The following SLC29A4 variants were observed in gnomAD, a reference collection of about 807,000 sequenced individuals.
The protein encoded by SLC29A4 is equilibrative nucleoside transporter 4.
SLC29A4 carries 36 observed loss-of-function variants against 43.9 expected under a neutral mutation model. The observed-to-expected ratio is 0.82, with a 90% confidence interval of 0.63 to 1.08. SLC29A4 has a LOEUF of 1.08. SLC29A4 is among the 50% of genes least tolerant of loss of function. The probability of loss-of-function intolerance (pLI) is 0.00; values close to 1 mark genes in which losing one functional copy is unlikely to be tolerated. For synonymous variants in SLC29A4, 491 were observed against 338.0 expected (o/e 1.45, Z -4.97); for missense variants, 869 against 755.3 (o/e 1.15, Z -1.77).
rs1370936181 is a variant in SLC29A4 at position 5,306,283 on chromosome 7, C to T, written c.*3344C>T. The T allele has an allele frequency of 6.7e-6, 1 of 149,534 alleles. No homozygotes were observed. Among genetic ancestry groups the T allele is most frequent in the African/African-American group, 2.5e-5 (1 of 40,302 alleles). 9.3% of individuals were successfully genotyped at this position (149,534 alleles called of 1,614,324 possible). A position where few individuals can be genotyped will look rare whatever the true frequency, so the allele number is the denominator to read the frequency against. The stretch of plus-strand genomic sequence containing the variant: ...GATCTCAACTCACTGCAACCTCCAC[C>T]CGCCGGGTCCCTGTGATTTTCCCAC... On this transcript the variant is annotated 3_prime_UTR_variant, in exon 11 of 11. Transcript: ENST00000396872.
At position 5,286,542 on chromosome 7, in the gene SLC29A4, GAA is replaced by G. The variant is rs71702513; in HGVS notation, c.-8-1261_-8-1260del. Among the ~76,000 whole-genome samples, 409 of 116,330 alleles carry G rather than the reference GAA, an allele frequency of 3.5e-3. 9 individuals are homozygous for G. The highest frequency in any genetic ancestry group is 0.016 in the African/African-American group (384 of 23,468). The allele number at this position is 116,330 out of a possible 152,430, so 76.3% of individuals were successfully genotyped here. Reference sequence around the variant, plus strand: ...CATCTCAAAAAAAAAAAAGAAAAAAGAAAAAAATCATTTTAGGGGAAAAAGCT... The same window carrying G: ...CATCTCAAAAAAAAAAAAGAAAAAAGAAAAATCATTTTAGGGGAAAAAGCT... On this transcript the variant is annotated intron_variant, in intron 1 of 10. Transcript: ENST00000396872.
chr7:5,286,382 G>C (rs1784948209), intron 1 of SLC29A4, among the ~76,000 whole-genome samples: 1 of 151,862 alleles, frequency 6.6e-6, no homozygotes, highest in African/African-American at 2.4e-5. Flanking sequence ...AATTAGCCGG[G>C]TGTGGCGGCG....
chr7:5,296,076 C>T (rs1785636101), intron 6 of SLC29A4, among the ~76,000 whole-genome samples: 1 of 152,076 alleles, frequency 6.6e-6, no homozygotes, highest in Admixed American at 6.5e-5. Context: ...CGGCTTCCAG[C>T]GCCTCAAACA....
At chr7:5,300,340 G>A (rs543615548) in intron 9 of SLC29A4, 82 bp from the exon 10 acceptor site, 4 of 1,596,392 alleles carry the variant, frequency 2.5e-6, no homozygotes, top group African/African-American at 2.7e-5. Context: ...TAGGGATGGG[G>A]ATGTGGCTAG....
chr7:5,296,206 C>T (rs1256552420), intron 6 of SLC29A4, among the ~76,000 whole-genome samples: 4 of 152,014 alleles, frequency 2.6e-5, no homozygotes, highest in Admixed American at 2.6e-4. Flanking sequence ...CCTCTAACTG[C>T]CCCCCACCTC....
At chr7:5,286,379 C>G (rs187095314) in intron 1 of SLC29A4, among the ~76,000 whole-genome samples, 3 of 151,720 alleles carry the variant, frequency 2.0e-5, no homozygotes, top group Non-Finnish European at 4.4e-5. Flanking sequence ...AAAAATTAGC[C>G]GGGTGTGGCG....
At chr7:5,292,023 G>A (rs1341602108) in intron 5 of SLC29A4, among the ~76,000 whole-genome samples, 5 of 152,248 alleles carry the variant, frequency 3.3e-5, no homozygotes, top group African/African-American at 4.8e-5. Context: ...TGTGTGCGCA[G>A]CGTGTAGCCA....
chr7:5,303,090 C>T lies in SLC29A4; in HGVS notation c.*151C>T. ...ACTCCCTCAGGGTCCAGCCATGCCC[C>T]ACCCTGGACTGAAGTTCTGCAAAGT... On this transcript the variant is annotated 3_prime_UTR_variant, in exon 11 of 11. Transcript: ENST00000396872. 1.1e-6 allele frequency: 1 copy of T among 918,660 alleles called. No homozygotes were observed. The highest frequency in any genetic ancestry group is 1.7e-5 in the African/African-American group (1 of 59,356). 56.9% of individuals were successfully genotyped at this position (918,660 alleles called of 1,614,324 possible).
chr7:5,297,752 C>A (rs577650205), intron 7 of SLC29A4, among the ~76,000 whole-genome samples: 6 of 152,174 alleles, frequency 3.9e-5, no homozygotes. Flanking sequence ...ACAGAAGTCG[C>A]CAGCCAGGAA....
At chr7:5,287,677 G>C in intron 1 of SLC29A4, 132 bp from the exon 2 acceptor site, 1 of 871,736 alleles carries the variant, frequency 1.1e-6, no homozygotes, top group African/African-American at 1.7e-5. Flanking sequence ...GTGAGGCATA[G>C]CTTGCTTTGG....
intron 1 of SLC29A4, among the ~76,000 whole-genome samples, chr7:5,284,988 C>T (rs765289854): frequency 7.7e-4 from 117 of 152,304 alleles, no homozygotes; most frequent in African/African-American, 2.7e-3. Flanking sequence ...TTCAGATGTC[C>T]TCCTGGGCTG....
chr7:5,295,834 G>T (rs1224943504), intron 6 of SLC29A4, among the ~76,000 whole-genome samples: 1 of 149,962 alleles, frequency 6.7e-6, no homozygotes, highest in South Asian at 2.1e-4. Flanking sequence ...CCGAGCGAGA[G>T]AGGGTGCAGA....
At chr7:5,296,600 T>G (rs983877045) in intron 6 of SLC29A4, among the ~76,000 whole-genome samples, 15 of 2,958 alleles carry the variant, frequency 5.1e-3, no homozygotes, top group South Asian at 0.015. Flanking sequence ...GGGGGTGGGG[T>G]GGGATGCAGC....
rs367596044 is a variant in SLC29A4, at chr7:5,287,787, C to T, written c.-8-22C>T. On this transcript the variant is annotated intron_variant, in intron 1 of 10. Coordinates refer to ENST00000396872, the MANE Select transcript of SLC29A4 (RefSeq NM_153247.4). ...CCTCAGCCTTCTTCCCTCACCTGCT[C>T]TCTCTGCTTTCTCCAAAGCAGAGGC... 5,574 of 1,605,930 alleles carry T rather than the reference C, an allele frequency of 3.5e-3. 5 individuals are homozygous for T. The highest frequency in any genetic ancestry group is 4.4e-3 in the Non-Finnish European group (5,230 of 1,178,092).
At chr7:5,283,795 C>G (rs534289048) in intron 1 of SLC29A4, among the ~76,000 whole-genome samples, 1 of 152,294 alleles carries the variant, frequency 6.6e-6, no homozygotes, top group East Asian at 1.9e-4. Context: ...ATCAACTAAC[C>G]AGGGCTGGTG....
Position 5,303,810 on chromosome 7 carries a change from G to C in SLC29A4, c.*871G>C, listed in dbSNP as rs575590083. On this transcript the variant is annotated 3_prime_UTR_variant, in exon 11 of 11. Transcript: ENST00000396872. ...CGACAGACCCAAGGGTCCCTGGAACGTAGGGAGGGGCTGGGGGTCAGTCCA... is the reference window on the plus strand; with the variant it reads ...CGACAGACCCAAGGGTCCCTGGAACCTAGGGAGGGGCTGGGGGTCAGTCCA... The C allele has an allele frequency of 6.6e-6, 1 of 152,256 alleles. No individual in the cohort carries two copies. Among genetic ancestry groups the C allele is most frequent in the Non-Finnish European group, 1.5e-5 (1 of 68,076 alleles). The allele number at this position is 152,256 out of a possible 1,614,324, so 9.4% of individuals were successfully genotyped here.
intron 2 of SLC29A4, among the ~76,000 whole-genome samples, chr7:5,289,681 A>T (rs1250942600): frequency 2.6e-5 from 4 of 152,052 alleles, no homozygotes; most frequent in Admixed American, 2.6e-4. Context: ...AGGTGACCAT[A>T]AACAGACCAT....
intron 5 of SLC29A4, among the ~76,000 whole-genome samples, chr7:5,293,573 G>A (rs1236521542): frequency 1.3e-5 from 2 of 152,296 alleles, no homozygotes; most frequent in Non-Finnish European, 2.9e-5. Context: ...TATAAATGAT[G>A]TCAAGCCTTC....
intron 6 of SLC29A4, among the ~76,000 whole-genome samples, chr7:5,296,424 G>A: frequency 6.7e-6 from 1 of 148,954 alleles, no homozygotes; most frequent in Non-Finnish European, 1.5e-5. Flanking sequence ...GCTGTGAGGG[G>A]CAGCTCCTCT....
Sources: gnomAD v4.1 joint callset for allele counts (sites outside exome capture counted in the v4.1 genomes callset) on GRCh38, gnomAD v4.1.1 for gene constraint, MANE v1.5 for transcripts, NCBI Gene and HGNC (gene_info 2026-07-23, HGNC 2026-07-21) for gene names.